The following ZSCAN5A variants were observed in gnomAD, a reference collection of about 807,000 sequenced individuals.
ZSCAN5A encodes zinc finger and SCAN domain-containing protein 5A.
Under a neutral mutation model 23.7 loss-of-function variants are expected in ZSCAN5A, and 12 were observed. The ratio of observed to expected loss-of-function variants is 0.51; its 90% CI spans 0.32 to 0.82. ZSCAN5A has a LOEUF of 0.82. ZSCAN5A is among the 40% of genes least tolerant of loss of function. ZSCAN5A has a pLI of 0.03. For missense variants in ZSCAN5A, 597 were observed against 617.9 expected (o/e 0.97, Z 0.36); for synonymous variants, 257 against 239.9 (o/e 1.07, Z -0.66).
intron 2 of ZSCAN5A, among the ~76,000 whole-genome samples, chr19:56,271,663 C>T (rs2037858573): frequency 6.6e-6 from 1 of 152,142 alleles, no homozygotes; most frequent in African/African-American, 2.4e-5. Flanking sequence ...ATAGATAGCA[C>T]CAGAGATGGC....
At chr19:56,318,181 G>A (rs187521785), upstream of ZSCAN5A, among the ~76,000 whole-genome samples, 576 of 152,044 alleles carry the variant, frequency 3.8e-3, 2 homozygotes, top group Middle Eastern at 6.8e-3. Flanking sequence ...GCAAGCATGC[G>A]TATATGTGTT....
upstream of ZSCAN5A, chr19:56,315,032 A>G (rs897185173): frequency 4.5e-5 from 6 of 133,998 alleles, no homozygotes; most frequent in African/African-American, 1.1e-4. Flanking sequence ...CCGAATCATT[A>G]CTAGTGCAGG....
intron 2 of ZSCAN5A, among the ~76,000 whole-genome samples, chr19:56,269,821 C>T (rs186921616): frequency 6.6e-6 from 1 of 152,326 alleles, no homozygotes; most frequent in African/African-American, 2.4e-5. Flanking sequence ...CCTCCTAGAG[C>T]CGGCAGAAGG....
intron 1 of ZSCAN5A, among the ~76,000 whole-genome samples, chr19:56,367,614 T>C (rs2041779203): frequency 6.6e-6 from 1 of 152,232 alleles, no homozygotes; most frequent in South Asian, 2.1e-4. Flanking sequence ...GAAGCACAGT[T>C]TCTCCATTCA....
In ZSCAN5A at chr19:56,245,269, T is replaced by C. The variant is rs763847852; in HGVS notation, c.-127-20096A>G. 7.8e-5 allele frequency: 55 copies of C among 702,536 alleles called. No individual in the cohort carries two copies. The African/African-American group carries it at 9.6e-4, about 12-fold the overall frequency. 43.5% of individuals were successfully genotyped at this position (702,536 alleles called of 1,614,324 possible). On this transcript the variant is annotated intron_variant, in intron 2 of 5. Transcript: ENST00000683990. ...AGGAATATCTTATGCAGGAATCAGA[T>C]GTCGAGATGGCTGAAATCCCTGCCA...
chr19:56,272,952 T>G lies in ZSCAN5A; in HGVS notation c.-128+40331A>C, dbSNP rs572033862. 10 of 943,268 alleles carry G rather than the reference T, an allele frequency of 1.1e-5. No individual in the cohort carries two copies. The Admixed American group carries it at 6.2e-4, about 58-fold the overall frequency. The allele number at this position is 943,268 out of a possible 1,614,324, so 58.4% of individuals were successfully genotyped here. On this transcript the variant is annotated intron_variant, in intron 2 of 5. Coordinates refer to ENST00000683990, the MANE Select transcript of ZSCAN5A (RefSeq NM_001322064.3). ...TTCCAGCCATGCCTTGTGTCCTCTA[T>G]GTATTTTCTTACAACTTGGGAGGCT...
intron 2 of ZSCAN5A, among the ~76,000 whole-genome samples, chr19:56,238,407 A>T (rs1014425769): frequency 1.3e-5 from 2 of 152,198 alleles, no homozygotes; most frequent in African/African-American, 4.8e-5. Context: ...CACCAAGGAC[A>T]GGTAGAGGCC....
chr19:56,291,036 G>A (rs1024277455), intron 2 of ZSCAN5A, among the ~76,000 whole-genome samples: 1 of 152,190 alleles, frequency 6.6e-6, no homozygotes, highest in Non-Finnish European at 1.5e-5. Flanking sequence ...CAGATTGTGT[G>A]GAGAGCCGTG....
chr19:56,279,237 T>A (rs2038493445), intron 2 of ZSCAN5A, among the ~76,000 whole-genome samples: 1 of 152,068 alleles, frequency 6.6e-6, no homozygotes, highest in Non-Finnish European at 1.5e-5. Context: ...TGGATGATAC[T>A]TCGAGAATTT....
intron 2 of ZSCAN5A, among the ~76,000 whole-genome samples, chr19:56,326,039 T>C (rs904153621): frequency 1.6e-4 from 25 of 151,992 alleles, no homozygotes; most frequent in African/African-American, 6.0e-4. Context: ...TTCACGCCAT[T>C]CTCCTGCCTC....
intron 2 of ZSCAN5A, among the ~76,000 whole-genome samples, chr19:56,233,389 C>T (rs898967072): frequency 2.0e-5 from 3 of 152,032 alleles, no homozygotes; most frequent in Non-Finnish European, 4.4e-5. Context: ...CGCTCGTTAT[C>T]GTGTTGAGAA....
intron 2 of ZSCAN5A, among the ~76,000 whole-genome samples, chr19:56,323,930 A>C (rs2041408432): frequency 6.6e-6 from 1 of 152,176 alleles, no homozygotes; most frequent in Non-Finnish European, 1.5e-5. Flanking sequence ...ATGATAAACC[A>C]GGACAATTGG....
intron 2 of ZSCAN5A, among the ~76,000 whole-genome samples, chr19:56,235,056 T>C (rs1029486884): frequency 7.2e-5 from 10 of 139,840 alleles, no homozygotes; most frequent in African/African-American, 2.6e-4. Context: ...CTCCAGCCTC[T>C]GATTGACCGT....
At chr19:56,258,029 C>T (rs112761202) in intron 2 of ZSCAN5A, among the ~76,000 whole-genome samples, 138 of 90,844 alleles carry the variant, frequency 1.5e-3, no homozygotes, top group Non-Finnish European at 1.8e-3. Context: ...TCCTGCCTCC[C>T]ACCACTGCCC....
At chr19:56,350,873 TTAAA>T (rs1395000786) in intron 2 of ZSCAN5A, among the ~76,000 whole-genome samples, 5 of 152,050 alleles carry the variant, frequency 3.3e-5, no homozygotes, top group Admixed American at 6.6e-5. Flanking sequence ...TAATAAAACA[TTAAA>T]TAAAGTTTAA....
chr19:56,281,212 A>ACAACG (rs1301704020), intron 2 of ZSCAN5A, among the ~76,000 whole-genome samples: 4 of 152,112 alleles, frequency 2.6e-5, no homozygotes, highest in Non-Finnish European at 5.9e-5. Flanking sequence ...TGTCATCTTC[A>ACAACG]CAATGAGTAG....
At chr19:56,329,996 T>G (rs985055955) in intron 2 of ZSCAN5A, among the ~76,000 whole-genome samples, 2 of 152,202 alleles carry the variant, frequency 1.3e-5, no homozygotes, top group Non-Finnish European at 1.5e-5. Context: ...GCTTCTCCCC[T>G]CTGGTACTCC....
intron 2 of ZSCAN5A, chr19:56,338,657 G>A (rs965780564): frequency 5.9e-5 from 9 of 152,252 alleles, no homozygotes; most frequent in African/African-American, 2.2e-4. Context: ...ATTATACCAG[G>A]ACTATGGGTC....
intron 2 of ZSCAN5A, chr19:56,304,873 G>A: frequency 1.1e-6 from 1 of 877,524 alleles, no homozygotes; most frequent in Non-Finnish European, 1.4e-6. Context: ...CCGCTGGGGT[G>A]GGGTTAGGGG....
Sources: allele counts gnomAD v4.1 joint callset (sites outside exome capture counted in the v4.1 genomes callset), GRCh38; gene constraint gnomAD v4.1.1; transcripts MANE v1.5; gene names NCBI Gene and HGNC (gene_info 2026-07-23, HGNC 2026-07-21).